Variants in RWDD2B observed in about 807,000 individuals in gnomAD.
The protein encoded by RWDD2B is RWD domain containing 2B, also known as RWD domain-containing protein 2B.
In RWDD2B, 36 loss-of-function variants were observed where a neutral mutation model predicts 33.6. The ratio of observed to expected loss-of-function variants is 1.07; its 90% CI spans 0.82 to 1.42. The LOEUF (loss-of-function observed/expected upper bound fraction) is 1.42, where lower values mean the gene tolerates loss of function less well. Ranked by LOEUF, RWDD2B falls within the 40% of genes most tolerant of loss-of-function variation. The pLI, the probability that RWDD2B is intolerant of heterozygous loss-of-function variation, is 0.00. For synonymous variants in RWDD2B, 126 were observed against 133.1 expected (o/e 0.95, Z 0.37); for missense variants, 364 against 377.5 (o/e 0.96, Z 0.30).
Position 29,008,277 on chromosome 21 carries a change from AG to A in RWDD2B, c.324del (p.Phe109LeufsTer17), listed in dbSNP as rs1270938621. 1 of 1,614,242 alleles carries A rather than the reference AG, an allele frequency of 6.2e-7. No homozygotes were observed. Among genetic ancestry groups the A allele is most frequent in the Non-Finnish European group, 8.5e-7 (1 of 1,180,036 alleles). ...MAMFSLACILPFKYPAVLPEI... is the reference protein window; with the variant it reads ...MAMFSLACILXFKYPAVLPEI... ...TCAGGCAGAACTGCCGGGTATTTAA[AG>A]GGAAGAATACAGGCCAGAGAAAACA... On this transcript the variant is annotated frameshift_variant, in exon 3 of 5. Coordinates refer to ENST00000493196, the MANE Select transcript of RWDD2B (RefSeq NM_016940.3). LOFTEE classifies it high-confidence loss of function.
rs59074774 is a variant in RWDD2B at position 29,006,926 on chromosome 21, C to T, written c.726-275G>A. ...ATACACACCCCGTCCAAGAAGTCTA[C>T]TTTTATCTCACAGGGATTTATTTTA... On this transcript the variant is annotated intron_variant, in intron 4 of 4. Transcript: ENST00000493196. 4.4e-4 allele frequency among the ~76,000 whole-genome samples: 67 copies of T among 152,272 alleles called. No homozygotes were observed. The South Asian group carries it at 9.5e-3, about 22-fold the overall frequency.
At position 29,015,478 on chromosome 21, in the gene RWDD2B, G is replaced by C. The variant is rs11911533; in HGVS notation, c.67+3733C>G. Among the ~76,000 whole-genome samples the C allele has an allele frequency of 7.1e-3, 1,058 of 148,094 alleles. 11 individuals carry two copies. Among genetic ancestry groups the C allele is most frequent in the African/African-American group, 0.025 (1,000 of 40,118 alleles). On this transcript the variant is annotated intron_variant, in intron 1 of 4. Coordinates refer to ENST00000493196, the MANE Select transcript of RWDD2B (RefSeq NM_016940.3). ...AATCCTGACCTTGTGATCCACCCGCGTTGGCCTCCCAAAGTGCTGTGATTA... is the reference window on the plus strand; with the variant it reads ...AATCCTGACCTTGTGATCCACCCGCCTTGGCCTCCCAAAGTGCTGTGATTA...
At chr21:29,011,286 T>C (rs2084857258) in intron 1 of RWDD2B, among the ~76,000 whole-genome samples, 1 of 140,412 alleles carries the variant, frequency 7.1e-6, no homozygotes, top group East Asian at 2.1e-4. Flanking sequence ...CGGCCGCCCA[T>C]CGTCTGAGAT....
At chr21:29,010,866 C>T (rs375523872) in intron 1 of RWDD2B, among the ~76,000 whole-genome samples, 1,904 of 152,206 alleles carry the variant, frequency 0.013, 56 homozygotes, top group African/African-American at 0.043. Context: ...GACGGGGTTT[C>T]GCTGTGTTGG....
chr21:29,012,184 C>CA (rs1555851484), intron 1 of RWDD2B, among the ~76,000 whole-genome samples: 6 of 132,908 alleles, frequency 4.5e-5, no homozygotes, highest in South Asian at 2.5e-4. Flanking sequence ...TCAGCCCCCC[C>CA]CCGGGAGGTG....
chr21:29,009,130 A>C (rs115701315), intron 1 of RWDD2B, among the ~76,000 whole-genome samples: 3,163 of 152,190 alleles, frequency 0.021, 114 homozygotes, highest in African/African-American at 0.072. Flanking sequence ...CTCTGTCACC[A>C]CAGCTGGAGT....
At chr21:29,012,721 G>A (rs1452658224) in intron 1 of RWDD2B, among the ~76,000 whole-genome samples, 2 of 151,570 alleles carry the variant, frequency 1.3e-5, no homozygotes, top group African/African-American at 4.9e-5. Context: ...CTATTGTCCT[G>A]TGACCATGCC....
chr21:29,008,139 C>G lies in RWDD2B; in HGVS notation c.363-16G>C, dbSNP rs1263493191. ...TAATACTGATCTAATAGAAAAGATACAAGAAAAATATTGTCTTGGAACAGA... is the reference window on the plus strand; with the variant it reads ...TAATACTGATCTAATAGAAAAGATAGAAGAAAAATATTGTCTTGGAACAGA... On this transcript the variant is annotated splice_polypyrimidine_tract_variant and intron_variant, in intron 3 of 4. Transcript: ENST00000493196. The G allele has an allele frequency of 6.2e-7, 1 of 1,609,952 alleles. No homozygotes were observed. Among genetic ancestry groups the G allele is most frequent in the Admixed American group, 1.7e-5 (1 of 59,200 alleles).
At position 29,004,984 on chromosome 21, in the gene RWDD2B, G is replaced by C. The variant is rs1016497466; in HGVS notation, c.*1433C>G. On this transcript the variant is annotated 3_prime_UTR_variant, in exon 5 of 5. Coordinates refer to ENST00000493196, the MANE Select transcript of RWDD2B (RefSeq NM_016940.3). Reference sequence around the variant, plus strand: ...TCCATTCCTTAACCAAGTCTGACTGGTCAAGAAATATCCAACACCTGGTAT... The same window carrying C: ...TCCATTCCTTAACCAAGTCTGACTGCTCAAGAAATATCCAACACCTGGTAT... The C allele has an allele frequency of 1.8e-4, 27 of 152,102 alleles. No individual in the cohort carries two copies. Among genetic ancestry groups the C allele is most frequent in the Admixed American group, 1.5e-3 (23 of 15,270 alleles). 9.4% of individuals were successfully genotyped at this position (152,102 alleles called of 1,614,324 possible).
chr21:29,018,514 G>A (rs2084900510), intron 1 of RWDD2B, among the ~76,000 whole-genome samples: 1 of 152,214 alleles, frequency 6.6e-6, no homozygotes, highest in Admixed American at 6.5e-5. Context: ...TTGAATTGGA[G>A]GTATCGAAGA....
intron 1 of RWDD2B, chr21:29,009,728 A>G (rs931292605): frequency 6.6e-6 from 1 of 152,156 alleles, no homozygotes; most frequent in Non-Finnish European, 1.5e-5. Context: ...AGGAACATAA[A>G]GAGAAAATAA....
chr21:29,018,549 C>T (rs2084900671), intron 1 of RWDD2B, among the ~76,000 whole-genome samples: 1 of 152,128 alleles, frequency 6.6e-6, no homozygotes, highest in African/African-American at 2.4e-5. Context: ...CAAAGAAGAA[C>T]GGGACGGAGG....
At chr21:29,011,969 C>T (rs1443160864) in intron 1 of RWDD2B, among the ~76,000 whole-genome samples, 3 of 128,326 alleles carry the variant, frequency 2.3e-5, no homozygotes, top group Non-Finnish European at 4.9e-5. Flanking sequence ...CCCGGCCAGC[C>T]GCGCCGTCCG....
chr21:29,011,623 G>A (rs1489625456), intron 1 of RWDD2B, among the ~76,000 whole-genome samples: 9 of 128,798 alleles, frequency 7.0e-5, no homozygotes, highest in South Asian at 2.5e-4. Context: ...CAGCCGCCCC[G>A]TCCGGGAGGG....
At chr21:29,008,726 T>C (rs1277379905) in intron 1 of RWDD2B, 105 bp from the exon 2 acceptor site, 12 of 733,806 alleles carry the variant, frequency 1.6e-5, no homozygotes, top group Admixed American at 1.1e-4. Flanking sequence ...TCTTCATAAA[T>C]TGTACAATTT....
chr21:29,014,667 A>G (rs2084880961), intron 1 of RWDD2B, among the ~76,000 whole-genome samples: 1 of 152,026 alleles, frequency 6.6e-6, no homozygotes, highest in African/African-American at 2.4e-5. Context: ...TAAAAATACA[A>G]AAAATTAGCC....
intron 1 of RWDD2B, among the ~76,000 whole-genome samples, chr21:29,011,077 GC>G (rs1374190673): frequency 1.3e-5 from 2 of 152,050 alleles, no homozygotes; most frequent in Non-Finnish European, 2.9e-5. Context: ...TGCAGCCTCT[GC>G]CCGGCCGCCA....
intron 1 of RWDD2B, among the ~76,000 whole-genome samples, chr21:29,017,535 T>G (rs1203860495): frequency 1.3e-5 from 2 of 151,678 alleles, no homozygotes; most frequent in Non-Finnish European, 2.9e-5. Flanking sequence ...TCGCTTGAAC[T>G]GGGGAGGCGG....
At chr21:29,007,221 G>T (rs946532641) in intron 4 of RWDD2B, among the ~76,000 whole-genome samples, 1 of 152,218 alleles carries the variant, frequency 6.6e-6, no homozygotes, top group Non-Finnish European at 1.5e-5. Flanking sequence ...GGGTCATAGT[G>T]TCTGGGGCAG....
Sources: allele counts gnomAD v4.1 joint callset (sites outside exome capture counted in the v4.1 genomes callset), GRCh38; gene constraint gnomAD v4.1.1; transcripts MANE v1.5; gene names NCBI Gene and HGNC (gene_info 2026-07-23, HGNC 2026-07-21).